DLL4: variants seen among roughly 807,000 people sequenced by gnomAD.
DLL4 encodes the protein delta-like protein 4.
Under a neutral mutation model 73.6 loss-of-function variants are expected in DLL4, and 7 were observed. That is an observed-to-expected ratio of 0.10 (90% CI 0.05 to 0.18). The LOEUF (loss-of-function observed/expected upper bound fraction) is 0.18. Among genes scored for constraint, DLL4 ranks in the 10% least tolerant of loss-of-function variants. The probability of loss-of-function intolerance (pLI) is 1.00; values close to 1 mark genes in which losing one functional copy is unlikely to be tolerated. For synonymous variants in DLL4, 345 were observed against 374.3 expected (o/e 0.92, Z 0.90); for missense variants, 614 against 929.9 (o/e 0.66, Z 4.42).
At chr15:40,938,000 C>A (rs1892869187) in intron 10 of DLL4, 29 bp from the exon 11 acceptor site, 2 of 1,603,056 alleles carry the variant, frequency 1.2e-6, no homozygotes, top group Non-Finnish European at 1.7e-6. Flanking sequence ...CCAGGGTAAC[C>A]TGTTTCCCTG....
At chr15:40,937,948 TCCCA>T (rs1892868407) in intron 10 of DLL4, 77 bp from the exon 11 acceptor site, 2 of 1,563,400 alleles carry the variant, frequency 1.3e-6, no homozygotes, top group African/African-American at 2.7e-5. Context: ...CATCGCCTTC[TCCCA>T]GGGAGGCCCA....
rs977630323 is a variant in DLL4, at chr15:40,930,491, G to A, written c.337-134G>A. ...CTGCTCAAGCGCTACACTGTGCACA[G>A]CCCCGTTATGTTGACCCGGGCGCAG... On this transcript the variant is annotated intron_variant, in intron 2 of 10. Transcript: ENST00000249749. The surrounding 1 kb of genome is among the most constrained non-coding windows in gnomAD (Gnocchi z 5.7). The A allele has an allele frequency of 1.3e-6, 1 of 775,136 alleles. No homozygotes were observed. The highest frequency in any genetic ancestry group is 2.2e-6 in the Non-Finnish European group (1 of 451,846). The allele number at this position is 775,136 out of a possible 1,614,324, so 48.0% of individuals were successfully genotyped here. A position where few individuals can be genotyped will look rare whatever the true frequency, so the allele number is the denominator to read the frequency against.
chr15:40,934,407 TG>T, intron 6 of DLL4, 140 bp from the exon 7 acceptor site: 1 of 617,502 alleles, frequency 1.6e-6, no homozygotes, highest in Non-Finnish European at 2.7e-6. Context: ...TTATTGGTGG[TG>T]GAGGAAGGAT....
At position 40,930,799 on chromosome 15, in the gene DLL4, G is replaced by T. The variant is rs1357887625; in HGVS notation, c.394+117G>T. 1.2e-5 allele frequency: 12 copies of T among 1,038,700 alleles called. No individual in the cohort carries two copies. Among genetic ancestry groups the T allele is most frequent in the African/African-American group, 1.6e-5 (1 of 63,060 alleles). 64.3% of individuals were successfully genotyped at this position (1,038,700 alleles called of 1,614,324 possible). ...GGTGGGAGGCAGGACGCTTAGCTTG[G>T]CCTGGAGCTGCGCCCCGCGCTGGAC... On this transcript the variant is annotated intron_variant, in intron 3 of 10. Coordinates refer to ENST00000249749, the MANE Select transcript of DLL4 (RefSeq NM_019074.4). The surrounding 1 kb of genome is among the most constrained non-coding windows in gnomAD (Gnocchi z 5.7).
At chr15:40,935,955 A>G (rs1892837832) in intron 8 of DLL4, among the ~76,000 whole-genome samples, 1 of 152,238 alleles carries the variant, frequency 6.6e-6, no homozygotes, top group African/African-American at 2.4e-5. Context: ...CAGGCCACAG[A>G]GTGACAGCTG....
rs746962212 is a variant in DLL4 at position 40,930,434 on chromosome 15, T to G, written c.337-191T>G. On this transcript the variant is annotated intron_variant, in intron 2 of 10. Transcript: ENST00000249749. This position sits in a 1 kb window ranked among gnomAD's most constrained non-coding sequence, Gnocchi z 5.7. ...CTTACACTCTCCCGTCTCTCAACCC[T>G]CCCTCTACCGGGGGTTCTCCTCTCG... is the stretch of plus-strand genomic sequence containing the variant. 1.1e-5 allele frequency: 7 copies of G among 654,644 alleles called. No homozygotes were observed. Among genetic ancestry groups the G allele is most frequent in the Non-Finnish European group, 1.7e-5 (6 of 362,692 alleles). 40.6% of individuals were successfully genotyped at this position (654,644 alleles called of 1,614,324 possible). A position where few individuals can be genotyped will look rare whatever the true frequency, so the allele number is the denominator to read the frequency against.
At chr15:40,937,044 G>T in intron 9 of DLL4, 114 bp downstream of exon 9, 1 of 861,492 alleles carries the variant, frequency 1.2e-6, no homozygotes, top group Non-Finnish European at 1.7e-6. Flanking sequence ...GTTACTGACA[G>T]GAAGATCCTC....
At chr15:40,936,178 C>T in intron 8 of DLL4, 50 bp from the exon 9 acceptor site, 1 of 1,473,410 alleles carries the variant, frequency 6.8e-7, no homozygotes, top group Non-Finnish European at 9.0e-7. Context: ...ACCCCCTGCC[C>T]CAGGGAGCTC....
intron 4 of DLL4, 36 bp downstream of exon 4, chr15:40,931,802 G>GGGTC: frequency 6.2e-7 from 1 of 1,609,758 alleles, no homozygotes; most frequent in South Asian, 1.1e-5. Context: ...TGGAAGGGGA[G>GGGTC]GGTCCCCTGA....
chr15:40,931,353 G>A, intron 3 of DLL4, 150 bp from the exon 4 acceptor site: 1 of 965,810 alleles, frequency 1.0e-6, no homozygotes, highest in African/African-American at 1.6e-5. Context: ...CCTCTGGCCT[G>A]TTCTTGCTGG....
intron 8 of DLL4, 43 bp from the exon 9 acceptor site, chr15:40,936,185 G>A: frequency 6.7e-7 from 1 of 1,489,278 alleles, no homozygotes; most frequent in Non-Finnish European, 8.9e-7. Flanking sequence ...GCCCCAGGGA[G>A]CTCCCAGGCT....
rs867317299 is a variant in DLL4 at position 40,938,935 on chromosome 15, T to A, written c.*901T>A. 2 of 37,538 alleles carry A rather than the reference T, an allele frequency of 5.3e-5. No individual in the cohort carries two copies. Among genetic ancestry groups the A allele is most frequent in the African/African-American group, 9.4e-5 (1 of 10,638 alleles). The allele number at this position is 37,538 out of a possible 1,614,324, so 2.3% of individuals were successfully genotyped here. ...TCAATAATATGAGTTTTTATTTTGT[T>A]TTTTTTTTTTTTTTTGTAGTTTATT... is the stretch of plus-strand genomic sequence containing the variant. On this transcript the variant is annotated 3_prime_UTR_variant, in exon 11 of 11. Transcript: ENST00000249749.
intron 6 of DLL4, among the ~76,000 whole-genome samples, chr15:40,934,240 C>T (rs1232681266): frequency 4.0e-5 from 6 of 149,132 alleles, no homozygotes; most frequent in Admixed American, 6.7e-5. Flanking sequence ...GTATGAGAAT[C>T]GCTTGAACCC....
intron 3 of DLL4, chr15:40,931,159 G>C: frequency 2.4e-6 from 1 of 422,574 alleles, no homozygotes; most frequent in East Asian, 4.2e-5. Context: ...GTCCTCTCTA[G>C]CCTGGGGAGC....
Position 40,932,392 on chromosome 15 carries a change from C to T in DLL4, c.795C>T (p.Ser265=). Residue 265 remains serine (S), a synonymous_variant, in exon 6 of 11, where the codon AGC becomes AGT. Transcript: ENST00000249749. ...PHNGCRHGTC[S]TPWQCTCDEG... ...ATGGCTGTCGCCACGGCACCTGCAG[C>T]ACTCCCTGGCAATGTACTTGTGATG... The T allele has an allele frequency of 6.2e-7, 1 of 1,613,980 alleles. No homozygotes were observed. The highest frequency in any genetic ancestry group is 8.5e-7 in the Non-Finnish European group (1 of 1,179,902).
intron 7 of DLL4, 49 bp from the exon 8 acceptor site, chr15:40,934,849 T>A: frequency 6.3e-7 from 1 of 1,596,902 alleles, no homozygotes; most frequent in Non-Finnish European, 8.6e-7. Context: ...CAGTCACACA[T>A]CCCTGCCCCC....
chr15:40,936,175 G>A, intron 8 of DLL4, 53 bp from the exon 9 acceptor site: 2 of 1,465,172 alleles, frequency 1.4e-6, no homozygotes, highest in Non-Finnish European at 1.8e-6. Flanking sequence ...CCCACCCCCT[G>A]CCCCAGGGAG....
Position 40,935,036 on chromosome 15 carries a change from G to T in DLL4, c.1159G>T (p.Ala387Ser), listed in dbSNP as rs1459240395. Residue 387 changes from alanine (A) to serine (S), a missense_variant, in exon 8 of 11, where the codon GCT (alanine) becomes TCT (serine). Ala to Ser is a moderately conservative substitution (Grantham distance 99). This residue lies in a region of DLL4 where 386 missense variants were observed against 541.3 expected (regional missense o/e 0.71). Coordinates refer to ENST00000249749, the MANE Select transcript of DLL4 (RefSeq NM_019074.4). ...CRERNQGANY[A>S]CECPPNFTGS... Reference sequence around the variant, plus strand: ...GGAGCGCAACCAGGGGGCCAACTATGCTTGTGAATGTCCCCCCAACTTCAC... The same window carrying T: ...GGAGCGCAACCAGGGGGCCAACTATTCTTGTGAATGTCCCCCCAACTTCAC... The T allele has an allele frequency of 2.5e-6, 4 of 1,613,520 alleles. No homozygotes were observed. Among genetic ancestry groups the T allele is most frequent in the Non-Finnish European group, 3.4e-6 (4 of 1,179,896 alleles).
In DLL4 at chr15:40,930,037, C is replaced by A; in HGVS notation, c.257C>A (p.Thr86Asn). The change falls in exon 2 of 11, where the codon ACC becomes AAC. Residue 86 changes from threonine to asparagine, a missense_variant. Thr to Asn is a moderately conservative substitution (Grantham distance 65, BLOSUM62 0). Coordinates refer to ENST00000249749, the MANE Select transcript of DLL4 (RefSeq NM_019074.4). This position sits in a 1 kb window ranked among gnomAD's most constrained non-coding sequence, Gnocchi z 5.7. ...FGTVSTPVLG[T>N]NSFAVRDDSS... is the part of the protein sequence containing the mutation. Reference sequence around the variant, plus strand: ...ACCGTCTCCACGCCGGTATTGGGCACCAACTCCTTCGCTGTCCGGGACGAC... The same window carrying A: ...ACCGTCTCCACGCCGGTATTGGGCAACAACTCCTTCGCTGTCCGGGACGAC... 6.2e-7 allele frequency: 1 copy of A among 1,612,732 alleles called. No individual in the cohort carries two copies. Among genetic ancestry groups the A allele is most frequent in the Admixed American group, 1.7e-5 (1 of 59,902 alleles).
Sources: gnomAD v4.1 joint callset for allele counts (sites outside exome capture counted in the v4.1 genomes callset) on GRCh38, gnomAD v4.1.1 for gene constraint, gnomAD v4.1.1 regional missense constraint, Gnocchi (gnomAD v3.1) non-coding constraint, MANE v1.5 for transcripts, NCBI Gene and HGNC (gene_info 2026-07-23, HGNC 2026-07-21) for gene names.